The following CDH18 variants were observed in gnomAD, a reference collection of about 807,000 sequenced individuals.
The protein encoded by CDH18 is cadherin 18.
A neutral mutation model predicts 67.9 loss-of-function variants in CDH18; 31 were observed. The observed-to-expected ratio is 0.46, with a 90% CI of 0.34 to 0.62. The LOEUF (loss-of-function observed/expected upper bound fraction) is 0.62. Ranked by LOEUF, CDH18 falls within the 20% of genes least tolerant of loss-of-function variation. CDH18 has a pLI of 0.01. For missense variants in CDH18, 890 were observed against 975.5 expected (o/e 0.91, Z 1.17); for synonymous variants, 362 against 347.2 (o/e 1.04, Z -0.48).
intron 1 of CDH18, among the ~76,000 whole-genome samples, chr5:20,557,416 A>G (rs1000160724): frequency 6.6e-6 from 1 of 151,556 alleles, no homozygotes; most frequent in Non-Finnish European, 1.5e-5. Flanking sequence ...AAAAATCACA[A>G]AGGAAGAGAT....
At chr5:20,126,901 C>A (rs979969482) in intron 2 of CDH18, among the ~76,000 whole-genome samples, 13 of 152,128 alleles carry the variant, frequency 8.5e-5, no homozygotes, top group Non-Finnish European at 4.4e-5. Flanking sequence ...ATGGAATTTT[C>A]TCTAAAAATT....
chr5:20,137,589 C>T (rs1056247771), intron 2 of CDH18, among the ~76,000 whole-genome samples: 1 of 152,078 alleles, frequency 6.6e-6, no homozygotes, highest in African/African-American at 2.4e-5. Context: ...CTTCTGTGAA[C>T]TCGTCAAAGT....
intron 2 of CDH18, among the ~76,000 whole-genome samples, chr5:19,977,064 A>G (rs542691061): frequency 1.3e-5 from 2 of 152,300 alleles, no homozygotes; most frequent in South Asian, 4.1e-4. Context: ...AGATATTTCA[A>G]CTCAGTGGGA....
chr5:20,149,236 T>C (rs2126560096), intron 2 of CDH18, among the ~76,000 whole-genome samples: 1 of 152,282 alleles, frequency 6.6e-6, no homozygotes, highest in Admixed American at 6.5e-5. Flanking sequence ...TTTACCCTAA[T>C]TGTTCATTGT....
At chr5:20,302,261 C>A (rs1736002880) in intron 1 of CDH18, among the ~76,000 whole-genome samples, 1 of 152,130 alleles carries the variant, frequency 6.6e-6, no homozygotes, top group African/African-American at 2.4e-5. Context: ...TAAATTTGTT[C>A]CCCTTAGTTC....
At chr5:19,732,436 A>G (rs1196916233) in intron 4 of CDH18, among the ~76,000 whole-genome samples, 1 of 152,014 alleles carries the variant, frequency 6.6e-6, no homozygotes, top group South Asian at 2.1e-4. Flanking sequence ...CACATGACAG[A>G]GTGAGAGCAG....
At chr5:20,384,408 T>C (rs1426803762) in intron 1 of CDH18, among the ~76,000 whole-genome samples, 1 of 152,216 alleles carries the variant, frequency 6.6e-6, no homozygotes, top group East Asian at 1.9e-4. Flanking sequence ...TTGTCGCCTA[T>C]AGCAGGATTT....
intron 2 of CDH18, among the ~76,000 whole-genome samples, chr5:20,178,820 A>G (rs573456769): frequency 6.6e-6 from 1 of 152,232 alleles, no homozygotes; most frequent in African/African-American, 2.4e-5. Flanking sequence ...CCATGGAGGC[A>G]CTGCAGAGAA....
intron 2 of CDH18, among the ~76,000 whole-genome samples, chr5:20,057,635 A>G (rs1210755160): frequency 1.3e-5 from 2 of 152,164 alleles, no homozygotes; most frequent in Non-Finnish European, 2.9e-5. Context: ...CTACTTTTTC[A>G]TAATATGGCT....
chr5:19,584,656 G>T (rs1332552395), intron 7 of CDH18, among the ~76,000 whole-genome samples: 1 of 151,572 alleles, frequency 6.6e-6, no homozygotes, highest in Non-Finnish European at 1.5e-5. Flanking sequence ...TAAAAAATAT[G>T]TTCAAGGGAG....
chr5:19,976,816 G>C (rs1224725040), intron 2 of CDH18, among the ~76,000 whole-genome samples: 1 of 152,124 alleles, frequency 6.6e-6, no homozygotes, highest in Non-Finnish European at 1.5e-5. Flanking sequence ...GGATGAAAAT[G>C]AGTTATGAGG....
chr5:19,992,460 A>G (rs992808136), upstream of CDH18, among the ~76,000 whole-genome samples: 6 of 151,902 alleles, frequency 3.9e-5, no homozygotes, highest in African/African-American at 1.5e-4. Flanking sequence ...AAAAAAAAAA[A>G]AAAACAACTG....
Position 19,897,686 on chromosome 5 carries a change from T to C in CDH18, c.-256-58444A>G, listed in dbSNP as rs1364844989. Among the ~76,000 whole-genome samples the C allele has an allele frequency of 5.3e-5, 8 of 152,182 alleles. No individual in the cohort carries two copies. The South Asian group carries it at 1.7e-3, about 32-fold the overall frequency. On this transcript the variant is annotated intron_variant, in intron 2 of 12. Coordinates refer to ENST00000382275, the MANE Select transcript of CDH18 (RefSeq NM_004934.5). ...AAAAGCCAAATGTTCATCATTTGAA[T>C]AGTTAAATACTCCTGTATTCATACA...
intron 11 of CDH18, among the ~76,000 whole-genome samples, chr5:19,501,943 C>T (rs1743323927): frequency 6.6e-6 from 1 of 152,162 alleles, no homozygotes; most frequent in Admixed American, 6.6e-5. Context: ...CACAAACATG[C>T]ACAAATATTG....
chr5:20,125,717 A>G (rs991175542), intron 2 of CDH18, among the ~76,000 whole-genome samples: 4 of 152,158 alleles, frequency 2.6e-5, no homozygotes, highest in African/African-American at 7.2e-5. Flanking sequence ...TTAAAATTAC[A>G]AGGCCAAACT....
chr5:19,560,947 A>C (rs1739345185), intron 8 of CDH18, among the ~76,000 whole-genome samples: 1 of 152,218 alleles, frequency 6.6e-6, no homozygotes, highest in Non-Finnish European at 1.5e-5. Flanking sequence ...GCAAATCAAA[A>C]TCACAATGTG....
chr5:19,542,834 A>T (rs554408110), intron 9 of CDH18, among the ~76,000 whole-genome samples: 13 of 152,106 alleles, frequency 8.5e-5, no homozygotes, highest in Admixed American at 2.6e-4. Flanking sequence ...GAAATTGGTT[A>T]TGGTAATGGA....
intron 1 of CDH18, among the ~76,000 whole-genome samples, chr5:20,396,477 C>T (rs528489278): frequency 2.7e-5 from 4 of 150,920 alleles, no homozygotes; most frequent in Non-Finnish European, 4.4e-5. Context: ...AACTGCTTAT[C>T]ATTAAGCATA....
intron 5 of CDH18, among the ~76,000 whole-genome samples, chr5:19,613,048 G>A (rs548967641): frequency 1.1e-3 from 167 of 152,180 alleles, no homozygotes; most frequent in Non-Finnish European, 1.9e-3. Flanking sequence ...CATGAGGCTA[G>A]GCAGGAGAAT....
Sources: gnomAD v4.1 joint callset for allele counts (sites outside exome capture counted in the v4.1 genomes callset) on GRCh38, gnomAD v4.1.1 for gene constraint, MANE v1.5 for transcripts, NCBI Gene and HGNC (gene_info 2026-07-23, HGNC 2026-07-21) for gene names.